The following ZNF782 variants were observed in gnomAD, a reference collection of about 807,000 sequenced individuals.
ZNF782 encodes zinc finger protein 782.
Under a neutral mutation model 13.0 loss-of-function variants are expected in ZNF782, and 12 were observed. The ratio of observed to expected loss-of-function variants is 0.92; its 90% CI spans 0.59 to 1.50. The LOEUF (loss-of-function observed/expected upper bound fraction) is 1.50, where lower values mean the gene tolerates loss of function less well. Ranked by LOEUF, ZNF782 falls within the 40% of genes most tolerant of loss-of-function variation. ZNF782 has a pLI of 0.00. For synonymous variants in ZNF782, 284 were observed against 283.0 expected (o/e 1.00, Z -0.04); for missense variants, 770 against 822.9 (o/e 0.94, Z 0.79).
chr9:96,901,274 T>C, the ZNF782 span, among the ~76,000 whole-genome samples: 2 of 147,586 alleles, frequency 1.4e-5, no homozygotes, highest in Non-Finnish European at 3.0e-5. Flanking sequence ...AAAAAACTTT[T>C]TTTTTTTTTT....
In ZNF782 at chr9:96,827,126, T is replaced by C. The variant is rs961668295; in HGVS notation, c.198A>G (p.Pro66=). 4.3e-6 allele frequency: 7 copies of C among 1,612,744 alleles called. No homozygotes were observed. The African/African-American group carries it at 8.0e-5, about 18-fold the overall frequency. ...ATCCTTTCTCTTTCTCTAATAACCA[T>C]GGATCTTCTCCTTGTTCCAATGTGA... ...LIFTLEQGED[P]WLLEKEKGFL... is the part of the protein sequence containing the mutation. Residue 66 remains proline (P), a synonymous_variant, in exon 5 of 6, where the codon CCA becomes CCG. Transcript: ENST00000481138.
chr9:96,911,969 G>A, the ZNF782 span, among the ~76,000 whole-genome samples: 6 of 151,944 alleles, frequency 3.9e-5, no homozygotes, highest in South Asian at 1.2e-3. Context: ...AGAGGCCGAG[G>A]CGGGCAGATC....
chr9:96,910,292 G>C, the ZNF782 span: 2 of 562,864 alleles, frequency 3.6e-6, no homozygotes, highest in Non-Finnish European at 6.9e-6. Flanking sequence ...TGATGGTGAG[G>C]AAGAGGATGG....
Position 96,818,783 on chromosome 9 carries a change from T to G in ZNF782, c.1240A>C (p.Arg414=). ...TATGGTTTCTCTCCCGTGTGAGTTC[T>G]CTGATGTTTTCTTAGGCGTGACTTC... The part of the protein sequence containing the change: ...SEKSRLRKHQ[R]THTGEKPYKC... Residue 414 remains arginine (R), a synonymous_variant, in exon 6 of 6, where the codon AGA becomes CGA. Transcript: ENST00000481138. The G allele has an allele frequency of 1.9e-6, 3 of 1,614,140 alleles. No homozygotes were observed. Among genetic ancestry groups the G allele is most frequent in the Non-Finnish European group, 2.5e-6 (3 of 1,180,002 alleles).
chr9:96,919,208 T>C, the ZNF782 span: 2 of 126,000 alleles, frequency 1.6e-5, no homozygotes, highest in African/African-American at 6.1e-5. Context: ...GGGCCAAATG[T>C]AGTGAACCTC....
chr9:96,932,755 T>C, the ZNF782 span, among the ~76,000 whole-genome samples: 349 of 151,490 alleles, frequency 2.3e-3, no homozygotes, highest in African/African-American at 8.0e-3. Context: ...TGGGTTCAAG[T>C]GATTCTGCTG....
the ZNF782 span, among the ~76,000 whole-genome samples, chr9:96,915,180 T>A: frequency 6.6e-6 from 1 of 152,008 alleles, no homozygotes; most frequent in Non-Finnish European, 1.5e-5. Flanking sequence ...TCCATAGTAT[T>A]AAATTAATGT....
the ZNF782 span, chr9:96,888,553 GT>G: frequency 6.6e-6 from 1 of 152,170 alleles, no homozygotes; most frequent in Non-Finnish European, 1.5e-5. Flanking sequence ...CAAATTAAGA[GT>G]GTGTTTGATT....
upstream of ZNF782, among the ~76,000 whole-genome samples, chr9:96,877,833 A>T (rs1851913071): frequency 6.6e-6 from 1 of 152,194 alleles, no homozygotes; most frequent in East Asian, 1.9e-4. Flanking sequence ...AGGACAAAAA[A>T]ATATATTTTC....
chr9:96,878,930 A>G (rs1851928327), upstream of ZNF782, among the ~76,000 whole-genome samples: 1 of 152,238 alleles, frequency 6.6e-6, no homozygotes. Context: ...GATAGCAAGC[A>G]TTTTTGGTAA....
At chr9:96,836,396 G>T (rs925890433) in intron 4 of ZNF782, among the ~76,000 whole-genome samples, 1 of 151,982 alleles carries the variant, frequency 6.6e-6, no homozygotes, top group Non-Finnish European at 1.5e-5. Context: ...TTTTAGTAGA[G>T]ACGGGGTTTC....
At chr9:96,922,115 C>T in the ZNF782 span, among the ~76,000 whole-genome samples, 1 of 151,414 alleles carries the variant, frequency 6.6e-6, no homozygotes, top group Non-Finnish European at 1.5e-5. Flanking sequence ...TTCTGTCTCC[C>T]TTTTATCTCA....
intron 4 of ZNF782, among the ~76,000 whole-genome samples, chr9:96,831,550 A>C (rs1025398269): frequency 6.6e-6 from 1 of 151,924 alleles, no homozygotes; most frequent in African/African-American, 2.4e-5. Flanking sequence ...TCTACTAAAA[A>C]TACAAAAAAA....
chr9:96,856,829 A>G (rs1329409744), upstream of ZNF782, among the ~76,000 whole-genome samples: 1 of 152,250 alleles, frequency 6.6e-6, no homozygotes, highest in Non-Finnish European at 1.5e-5. Context: ...CAGATGATGT[A>G]AGACAGAACA....
chr9:96,844,236 C>T (rs1483153153), intron 4 of ZNF782, among the ~76,000 whole-genome samples: 1 of 152,154 alleles, frequency 6.6e-6, no homozygotes, highest in Non-Finnish European at 1.5e-5. Flanking sequence ...AAGCTCACTC[C>T]TAGGTACTTA....
chr9:96,922,385 C>A, the ZNF782 span, among the ~76,000 whole-genome samples: 1 of 152,084 alleles, frequency 6.6e-6, no homozygotes, highest in African/African-American at 2.4e-5. Context: ...TTGTATTAGC[C>A]CAGAATTTTA....
At chr9:96,837,996 G>A (rs1311903295) in intron 4 of ZNF782, among the ~76,000 whole-genome samples, 1 of 152,266 alleles carries the variant, frequency 6.6e-6, no homozygotes, top group East Asian at 1.9e-4. Flanking sequence ...AAAGTGTTGG[G>A]ATTATAGGTG....
Position 96,818,661 on chromosome 9 carries a change from T to C in ZNF782, c.1362A>G (p.Glu454=), listed in dbSNP as rs764796510. ...HTGEKPFECH[E]CGKSFNYKSI... is the part of the protein sequence containing the mutation. ...ACTTATAGTTAAAAGATTTCCCACA[T>C]TCATGACATTCGAATGGTTTCTCCC... is the stretch of plus-strand genomic sequence containing the variant. The change falls in exon 6 of 6, where the codon GAA becomes GAG. Residue 454 remains glutamate, a synonymous_variant. Transcript: ENST00000481138. The C allele has an allele frequency of 1.9e-6, 3 of 1,613,928 alleles. No individual in the cohort carries two copies. The East Asian group carries it at 6.7e-5, about 36-fold the overall frequency.
chr9:96,932,479 T>C, the ZNF782 span: 1 of 1,136,936 alleles, frequency 8.8e-7, no homozygotes, highest in Non-Finnish European at 1.3e-6. Context: ...GGCTGCTGGA[T>C]GGACAGGAGG....
Sources: allele counts gnomAD v4.1 joint callset (sites outside exome capture counted in the v4.1 genomes callset), GRCh38; gene constraint gnomAD v4.1.1; transcripts MANE v1.5; gene names NCBI Gene and HGNC (gene_info 2026-07-23, HGNC 2026-07-21).